MYO5B: variants seen among roughly 807,000 people sequenced by gnomAD.
MYO5B encodes unconventional myosin-Vb.
MYO5B carries 143 observed loss-of-function variants against 229.3 expected under a neutral mutation model. That is an observed-to-expected ratio of 0.62 (90% CI 0.54 to 0.72). The LOEUF is 0.72. MYO5B is among the 30% of genes least tolerant of loss of function. The pLI, the probability that MYO5B is intolerant of heterozygous loss-of-function variation, is 0.00. For synonymous variants in MYO5B, 918 were observed against 885.2 expected (o/e 1.04, Z -0.66); for missense variants, 2,321 against 2,331.0 (o/e 1.00, Z 0.09).
At chr18:49,917,919 A>G (rs1288561491) in intron 17 of MYO5B, among the ~76,000 whole-genome samples, 1 of 152,206 alleles carries the variant, frequency 6.6e-6, no homozygotes, top group African/African-American at 2.4e-5. Flanking sequence ...GGAGAAGCTC[A>G]GGACCCGTGA....
At chr18:50,085,416 CA>C (rs2031309497) in intron 1 of MYO5B, among the ~76,000 whole-genome samples, 2 of 151,954 alleles carry the variant, frequency 1.3e-5, no homozygotes, top group South Asian at 4.2e-4. Context: ...CAGGAAACAA[CA>C]GGTGCTGGAG....
intron 11 of MYO5B, 54 bp downstream of exon 11, chr18:49,962,895 T>C (rs961572022): frequency 2.1e-6 from 3 of 1,460,840 alleles, no homozygotes; most frequent in Non-Finnish European, 2.9e-6. Context: ...TGTCTGTCCC[T>C]CCCAGAGGAG....
intron 22 of MYO5B, among the ~76,000 whole-genome samples, chr18:49,880,732 G>A (rs1399207381): frequency 6.6e-6 from 1 of 152,176 alleles, no homozygotes; most frequent in Admixed American, 6.5e-5. Context: ...TGAGGAACTT[G>A]CAAAGATAAC....
intron 1 of MYO5B, among the ~76,000 whole-genome samples, chr18:50,162,920 C>T (rs969185504): frequency 6.6e-6 from 1 of 152,238 alleles, no homozygotes; most frequent in Non-Finnish European, 1.5e-5. Context: ...TTCCAAGCTA[C>T]TCGGAGCCAC....
At chr18:49,903,444 G>GTGCTCAC (rs2024866324) in intron 20 of MYO5B, among the ~76,000 whole-genome samples, 1 of 152,160 alleles carries the variant, frequency 6.6e-6, no homozygotes, top group Non-Finnish European at 1.5e-5. Context: ...AGCCACATCA[G>GTGCTCAC]TGCTCACTCT....
intron 12 of MYO5B, among the ~76,000 whole-genome samples, chr18:49,958,007 C>G (rs992275651): frequency 2.0e-5 from 3 of 152,180 alleles, no homozygotes; most frequent in Non-Finnish European, 2.9e-5. Flanking sequence ...CCAGCCACCC[C>G]CAGTGCTGCT....
At chr18:49,939,015 G>A (rs1568038800) in intron 14 of MYO5B, among the ~76,000 whole-genome samples, 1 of 152,148 alleles carries the variant, frequency 6.6e-6, no homozygotes, top group Non-Finnish European at 1.5e-5. Flanking sequence ...CTGAGAACAA[G>A]GGCTGAGGAG....
At position 49,969,100 on chromosome 18, in the gene MYO5B, G is replaced by A. The variant is rs117224458; in HGVS notation, c.1322+5250C>T. Among the ~76,000 whole-genome samples, 163 of 152,282 alleles carry A rather than the reference G, an allele frequency of 1.1e-3. 2 individuals carry two copies. In the East Asian group the frequency reaches 0.021, roughly 20 times the overall value. Reference sequence around the variant, plus strand: ...ATCTGCAAGGTTTGAGAACACTGTGGCTAGCCATGCATGTCCTCCCTGAAG... The same window carrying A: ...ATCTGCAAGGTTTGAGAACACTGTGACTAGCCATGCATGTCCTCCCTGAAG... On this transcript the variant is annotated intron_variant, in intron 10 of 39. Transcript: ENST00000285039.
intron 1 of MYO5B, among the ~76,000 whole-genome samples, chr18:50,163,590 C>G (rs543464726): frequency 6.6e-6 from 1 of 152,222 alleles, no homozygotes; most frequent in Non-Finnish European, 1.5e-5. Flanking sequence ...AGCCCAGGTG[C>G]TGGATACTGT....
chr18:49,880,229 T>G, intron 23 of MYO5B, 142 bp downstream of exon 23: 17 of 781,524 alleles, frequency 2.2e-5, no homozygotes, highest in East Asian at 5.2e-5. Flanking sequence ...TTAAAGGTCA[T>G]TATTCTTCAT....
intron 1 of MYO5B, among the ~76,000 whole-genome samples, chr18:50,140,840 T>C (rs1487984393): frequency 2.6e-5 from 4 of 152,206 alleles, no homozygotes; most frequent in African/African-American, 7.2e-5. Flanking sequence ...GTTGTACTTA[T>C]GGTACAGTGT....
At chr18:50,026,278 A>G (rs117694967) in intron 4 of MYO5B, among the ~76,000 whole-genome samples, 4,112 of 132,084 alleles carry the variant, frequency 0.031, 73 homozygotes, top group Non-Finnish European at 0.045. Flanking sequence ...AATGGAATAT[A>G]TTATTTTCTG....
chr18:49,928,729 C>A (rs2025156780), intron 17 of MYO5B, among the ~76,000 whole-genome samples: 1 of 152,122 alleles, frequency 6.6e-6, no homozygotes, highest in Non-Finnish European at 1.5e-5. Flanking sequence ...AGCCCACACG[C>A]CCAGTCAATG....
chr18:49,971,383 C>A (rs1191330424), intron 10 of MYO5B, among the ~76,000 whole-genome samples: 1 of 152,114 alleles, frequency 6.6e-6, no homozygotes, highest in Non-Finnish European at 1.5e-5. Context: ...GGAAATAAGG[C>A]AGATAAGACA....
intron 27 of MYO5B, among the ~76,000 whole-genome samples, chr18:49,867,959 T>C (rs944976580): frequency 3.3e-5 from 5 of 152,172 alleles, no homozygotes; most frequent in African/African-American, 1.2e-4. Context: ...GGATTATTTA[T>C]AAAAGTAAAA....
intron 1 of MYO5B, among the ~76,000 whole-genome samples, chr18:50,081,431 C>G (rs1173239174): frequency 1.3e-5 from 2 of 152,224 alleles, no homozygotes; most frequent in African/African-American, 4.8e-5. Context: ...TTCATACACT[C>G]TACACACAGG....
intron 7 of MYO5B, among the ~76,000 whole-genome samples, chr18:49,988,349 G>A (rs545998400): frequency 1.2e-4 from 19 of 152,296 alleles, no homozygotes; most frequent in East Asian, 9.6e-4. Flanking sequence ...ACAAGCGCTT[G>A]TCAAAGGCTC....
rs774367800 is a variant in MYO5B, at chr18:49,837,576, A to C, written c.5079T>G (p.Thr1693=). ...KQLFYMINAV[T]LNNLLLRKDV... ...CCTTCCGCAAGAGCAGGTTGTTAAG[A>C]GTCACTGCGTTGATCATGTAGAAGA... is the stretch of plus-strand genomic sequence containing the variant. The change falls in exon 37 of 40, where the codon ACT becomes ACG. Residue 1693 remains threonine (T), a synonymous_variant. Transcript: ENST00000285039. 14 of 1,613,952 alleles carry C rather than the reference A, an allele frequency of 8.7e-6. No individual in the cohort carries two copies. The South Asian group carries it at 9.9e-5, about 11-fold the overall frequency.
At chr18:50,158,275 AG>A in intron 1 of MYO5B, among the ~76,000 whole-genome samples, 1 of 152,350 alleles carries the variant, frequency 6.6e-6, no homozygotes, top group East Asian at 1.9e-4. Flanking sequence ...AAGAAGAAAT[AG>A]ATGGAAGATC....
Sources: allele counts gnomAD v4.1 joint callset (sites outside exome capture counted in the v4.1 genomes callset), GRCh38; gene constraint gnomAD v4.1.1; transcripts MANE v1.5; gene names NCBI Gene and HGNC (gene_info 2026-07-23, HGNC 2026-07-21).